Variants in GSE1 observed in about 807,000 individuals in gnomAD.
GSE1 encodes the protein Gse1 coiled-coil protein.
A neutral mutation model predicts 112.6 loss-of-function variants in GSE1; 32 were observed. The observed-to-expected ratio is 0.28, with a 90% confidence interval of 0.21 to 0.38. GSE1 has a LOEUF of 0.38. Ranked by LOEUF, GSE1 falls within the 10% of genes least tolerant of loss-of-function variation. The probability of loss-of-function intolerance (pLI) is 1.00; values close to 1 mark genes in which losing one functional copy is unlikely to be tolerated. For synonymous variants in GSE1, 1,115 were observed against 735.6 expected, an observed-to-expected ratio of 1.52 and a Z score of -8.35; for missense variants, 2,348 against 1,699.2, an observed-to-expected ratio of 1.38 and a Z score of -6.71.
At chr16:85,185,682 T>G (rs1205711877) in intron 1 of GSE1, among the ~76,000 whole-genome samples, 1 of 152,260 alleles carries the variant, frequency 6.6e-6, no homozygotes, top group East Asian at 1.9e-4. Flanking sequence ...GTCCCCCGTG[T>G]CTGGCTCCCC....
At chr16:85,176,507 C>T (rs911011314) in intron 1 of GSE1, among the ~76,000 whole-genome samples, 9 of 152,246 alleles carry the variant, frequency 5.9e-5, no homozygotes, top group Admixed American at 3.9e-4. Context: ...AGGTCTTAGC[C>T]GGCACCTTCC....
Position 85,239,220 on chromosome 16 carries a change from C to T in GSE1, c.2283+67413C>T, listed in dbSNP as rs1004305624. ...GTACTGGGATTATGGGCATGAGTCACCACGCCAGGCCTGGCAGTGGCCTTT... is the reference window on the plus strand; with the variant it reads ...GTACTGGGATTATGGGCATGAGTCATCACGCCAGGCCTGGCAGTGGCCTTT... On this transcript the variant is annotated intron_variant, in intron 1 of 2. Transcript: ENST00000637419. Among the ~76,000 whole-genome samples, 6 of 152,338 alleles carry T rather than the reference C, an allele frequency of 3.9e-5. 1 individual carries two copies. Among genetic ancestry groups the T allele is most frequent in the East Asian group, 3.9e-4 (2 of 5,188 alleles).
In GSE1 at chr16:85,541,247, G is replaced by T. The variant is rs909041885; in HGVS notation, c.2465-92667G>T. Among the ~76,000 whole-genome samples the T allele has an allele frequency of 4.6e-5, 7 of 152,238 alleles. 1 individual carries two copies. Among genetic ancestry groups the T allele is most frequent in the Admixed American group, 1.3e-4 (2 of 15,290 alleles). On this transcript the variant is annotated intron_variant, in intron 2 of 2. Coordinates refer to the GSE1 transcript ENST00000637419. ...CTGACCACCTGGGGGTTCCCCGGGA[G>T]GGCTGCCAGCTGCAAGAGGACAGCT...
At chr16:85,423,305 A>T (rs1007825919) in intron 2 of GSE1, among the ~76,000 whole-genome samples, 1 of 152,222 alleles carries the variant, frequency 6.6e-6, no homozygotes, top group Admixed American at 6.5e-5. Context: ...GTCAGGCTCC[A>T]GCCGGAGATG....
In GSE1 at chr16:85,371,720, G is replaced by C. The variant is rs1345994657; in HGVS notation, c.2464+14077G>C. Among the ~76,000 whole-genome samples, 3 of 152,204 alleles carry C rather than the reference G, an allele frequency of 2.0e-5. No homozygotes were observed. The South Asian group carries it at 6.2e-4, about 31-fold the overall frequency. Reference sequence around the variant, plus strand: ...AGACACCTGAGGGTGAGCTCAGGGTGCCTCCCATCCTCCCAGCTCACTGGG... The same window carrying C: ...AGACACCTGAGGGTGAGCTCAGGGTCCCTCCCATCCTCCCAGCTCACTGGG... On this transcript the variant is annotated intron_variant, in intron 2 of 2. Coordinates refer to the GSE1 transcript ENST00000637419.
Position 85,244,342 on chromosome 16 carries a change from C to T in GSE1, c.2283+72535C>T, listed in dbSNP as rs557750688. ...GTGAGCCAAGGGATGTAGGTGGCTT[C>T]TAGAAGCTGGAAAAGAAACGAGATG... On this transcript the variant is annotated intron_variant, in intron 1 of 2. Transcript: ENST00000637419. Among the ~76,000 whole-genome samples the T allele has an allele frequency of 3.9e-5, 6 of 152,230 alleles. No individual in the cohort carries two copies. The South Asian group carries it at 1.2e-3, about 32-fold the overall frequency.
rs527558862 is a variant in GSE1, at chr16:85,412,825, C to A, written c.2464+55182C>A. 3.3e-5 allele frequency among the ~76,000 whole-genome samples: 5 copies of A among 152,334 alleles called. No individual in the cohort carries two copies. The South Asian group carries it at 1.0e-3, about 32-fold the overall frequency. On this transcript the variant is annotated intron_variant, in intron 2 of 2. Coordinates refer to the GSE1 transcript ENST00000637419. ...GTTGATTTAATCACACCTGCAAACA[C>A]CCTTACCTTTTTGCCATATAAAGCC...
rs115533482 is a variant in GSE1, at chr16:85,548,594, T to G, written c.2465-85320T>G. On this transcript the variant is annotated intron_variant, in intron 2 of 2. Transcript: ENST00000637419. ...ACAGGGTTTCATTCTTTTTTACGGGTGAGTAGTATTCCATTGCGTGTAGGT... is the reference window on the plus strand; with the variant it reads ...ACAGGGTTTCATTCTTTTTTACGGGGGAGTAGTATTCCATTGCGTGTAGGT... Among the ~76,000 whole-genome samples, 710 of 152,268 alleles carry G rather than the reference T, an allele frequency of 4.7e-3. 5 individuals carry two copies. Among genetic ancestry groups the G allele is most frequent in the African/African-American group, 0.016 (682 of 41,542 alleles).
intron 2 of GSE1, among the ~76,000 whole-genome samples, chr16:85,489,350 C>A (rs2050938506): frequency 6.6e-6 from 1 of 152,054 alleles, no homozygotes; most frequent in East Asian, 1.9e-4. Context: ...CTAGTGGCCC[C>A]TGCCTGTCAG....
Position 85,447,221 on chromosome 16 carries a change from C to T in GSE1, c.2464+89578C>T, listed in dbSNP as rs373449995. 1.1e-4 allele frequency among the ~76,000 whole-genome samples: 16 copies of T among 152,268 alleles called. 1 individual carries two copies. The South Asian group carries it at 3.3e-3, about 32-fold the overall frequency. On this transcript the variant is annotated intron_variant, in intron 2 of 2. Coordinates refer to the GSE1 transcript ENST00000637419. ...ACTAGTTAGGAGTGTGCAGCACCCCCAGCCCTCCGTGGTCTGGGCCCTGTT... is the reference window on the plus strand; with the variant it reads ...ACTAGTTAGGAGTGTGCAGCACCCCTAGCCCTCCGTGGTCTGGGCCCTGTT...
intron 2 of GSE1, among the ~76,000 whole-genome samples, chr16:85,478,912 TTTCTTTCTTTC>T (rs2050572700): frequency 1.6e-5 from 1 of 64,290 alleles, no homozygotes; most frequent in Non-Finnish European, 2.8e-5. Context: ...TCTTTCTTTC[TTTCTTTCTTTC>T]TTTCTCTTTC....
rs546647649 is a variant in GSE1, at chr16:85,663,483, C to T, written c.2513C>T (p.Thr838Met). Residue 838 changes from threonine to methionine, a missense_variant, in exon 11 of 16, where the codon ACG becomes ATG. Coordinates refer to ENST00000253458, the MANE Select transcript of GSE1 (RefSeq NM_014615.5). ...SPPTIQSKRQ[T>M]PSPRLALSTR... ...CCAACAATTCAGAGCAAGCGGCAGA[C>T]GCCTTCACCGAGACTGGCGCTGTCT... 3.1e-5 allele frequency: 50 copies of T among 1,613,892 alleles called. 1 individual carries two copies. The highest frequency in any genetic ancestry group is 1.6e-4 in the South Asian group (15 of 91,072).
intron 1 of GSE1, among the ~76,000 whole-genome samples, chr16:85,574,513 G>A (rs886532499): frequency 1.1e-4 from 16 of 152,138 alleles, no homozygotes; most frequent in African/African-American, 2.9e-4. Context: ...CTTCCGCCTC[G>A]GACGAGGCCC....
intron 2 of GSE1, among the ~76,000 whole-genome samples, chr16:85,488,817 G>A (rs1261511214): frequency 3.9e-5 from 6 of 152,148 alleles, no homozygotes; most frequent in African/African-American, 9.7e-5. Flanking sequence ...CTGGGGACCG[G>A]GGGGATCAGA....
chr16:85,455,272 G>A (rs1037867828), intron 2 of GSE1, among the ~76,000 whole-genome samples: 2 of 152,212 alleles, frequency 1.3e-5, no homozygotes, highest in Non-Finnish European at 2.9e-5. Context: ...TGTAATCCCA[G>A]CTACTGGGGA....
chr16:85,517,795 C>T (rs1433437759), intron 2 of GSE1, among the ~76,000 whole-genome samples: 1 of 152,262 alleles, frequency 6.6e-6, no homozygotes, highest in Non-Finnish European at 1.5e-5. Context: ...GAGCCAGTGT[C>T]CGCCTCATGG....
intron 1 of GSE1, among the ~76,000 whole-genome samples, chr16:85,564,335 C>T (rs1169007719): frequency 6.6e-6 from 1 of 152,132 alleles, no homozygotes; most frequent in Non-Finnish European, 1.5e-5. Context: ...AGGTTCATGT[C>T]AGGTGTGCCG....
At chr16:85,450,117 CTTTTTTTTTTT>C (rs59854597) in intron 2 of GSE1, among the ~76,000 whole-genome samples, 1 of 79,506 alleles carries the variant, frequency 1.3e-5, no homozygotes, top group Non-Finnish European at 2.2e-5. Flanking sequence ...AGGCAGCTGA[CTTTTTTTTTTT>C]TTTTTTTTTT....
Position 85,365,341 on chromosome 16 carries a change from C to T in GSE1, c.2464+7698C>T, listed in dbSNP as rs186955568. On this transcript the variant is annotated intron_variant, in intron 2 of 2. Coordinates refer to the GSE1 transcript ENST00000637419. ...CTCAGTCTGGTCTATGCAGACAGCA[C>T]TTCAGACGCACCACTCCTTCACTCC... Among the ~76,000 whole-genome samples the T allele has an allele frequency of 4.3e-3, 662 of 152,374 alleles. 2 individuals carry two copies. Among genetic ancestry groups the T allele is most frequent in the African/African-American group, 0.014 (563 of 41,600 alleles).
Sources: allele counts gnomAD v4.1 joint callset (sites outside exome capture counted in the v4.1 genomes callset), GRCh38; gene constraint gnomAD v4.1.1; transcripts MANE v1.5; gene names NCBI Gene and HGNC (gene_info 2026-07-23, HGNC 2026-07-21).